Variants in STK31 observed in about 807,000 individuals in gnomAD.
STK31 encodes the protein serine/threonine-protein kinase 31.
Under a neutral mutation model 129.7 loss-of-function variants are expected in STK31, and 89 were observed. The observed-to-expected ratio is 0.69, with a 90% CI of 0.58 to 0.82. STK31 has a LOEUF of 0.82. Ranked by LOEUF, STK31 falls within the 40% of genes least tolerant of loss-of-function variation. The pLI is 0.00. For missense variants in STK31, 1,187 were observed against 1,176.4 expected, an observed-to-expected ratio of 1.01 and a Z score of -0.13; for synonymous variants, 448 against 395.3, an observed-to-expected ratio of 1.13 and a Z score of -1.58.
At chr7:23,754,558 C>T (rs1788935785) in intron 10 of STK31, 84 bp downstream of exon 10, 2 of 1,433,142 alleles carry the variant, frequency 1.4e-6, no homozygotes, top group South Asian at 2.8e-5. Context: ...AAAAAAATAA[C>T]AGGATACATG....
intron 22 of STK31, among the ~76,000 whole-genome samples, chr7:23,802,577 A>G (rs1485412790): frequency 6.6e-6 from 1 of 152,170 alleles, no homozygotes; most frequent in East Asian, 1.9e-4. Flanking sequence ...GTACTGGCAC[A>G]ATCTTGGCTC....
chr7:23,724,323 T>C (rs542371512), intron 4 of STK31, among the ~76,000 whole-genome samples: 2 of 152,256 alleles, frequency 1.3e-5, no homozygotes, highest in South Asian at 2.1e-4. Context: ...CGGAAGGAGG[T>C]TGGGTAAGGA....
chr7:23,782,842 A>C (rs1791021371), intron 16 of STK31, among the ~76,000 whole-genome samples: 1 of 152,232 alleles, frequency 6.6e-6, no homozygotes, highest in Non-Finnish European at 1.5e-5. Flanking sequence ...TATGCCTCAA[A>C]TTGAAATATT....
chr7:23,800,089 T>C lies in STK31; in HGVS notation c.2760+9143T>C, dbSNP rs371840593. 5.3e-5 allele frequency among the ~76,000 whole-genome samples: 8 copies of C among 152,158 alleles called. No homozygotes were observed. The East Asian group carries it at 1.3e-3, about 26-fold the overall frequency. ...CTTTGAAAAGTCAGGAAACAACAGA[T>C]GCTGGAGAGGATGTGGAGAAATAGG... On this transcript the variant is annotated intron_variant, in intron 22 of 23. Coordinates refer to ENST00000355870, the MANE Select transcript of STK31 (RefSeq NM_031414.5).
chr7:23,781,560 C>T (rs759381891), intron 16 of STK31, 40 bp downstream of exon 16: 21 of 1,451,214 alleles, frequency 1.4e-5, no homozygotes, highest in Admixed American at 1.9e-5. Context: ...TTAGGTTTTA[C>T]TCTAGAAATT....
intron 22 of STK31, among the ~76,000 whole-genome samples, chr7:23,802,540 G>A (rs1189318807): frequency 1.3e-5 from 2 of 152,106 alleles, no homozygotes; most frequent in African/African-American, 4.8e-5. Context: ...TTAAGACGCA[G>A]TCTCACTCTG....
rs759239365 is a variant in STK31 at position 23,786,521 on chromosome 7, A to C, written c.2288A>C (p.Asp763Ala). The change falls in exon 19 of 24, where the codon GAT (aspartate) becomes GCT (alanine). Residue 763 changes from aspartate to alanine, a missense_variant. Coordinates refer to ENST00000355870, the MANE Select transcript of STK31 (RefSeq NM_031414.5). The part of the protein sequence containing the change: ...QIILLKGYSV[D>A]VDTEAKVIER... Reference sequence around the variant, plus strand: ...CTTTGGTACAAGGGCTATTCTGTGGATGTTGACACAGAAGCCAAGGTGATT... The same window carrying C: ...CTTTGGTACAAGGGCTATTCTGTGGCTGTTGACACAGAAGCCAAGGTGATT... The C allele has an allele frequency of 6.2e-7, 1 of 1,613,214 alleles. No homozygotes were observed.
intron 23 of STK31, among the ~76,000 whole-genome samples, chr7:23,822,604 TTTTTTATTATTA>T (rs1405266449): frequency 2.0e-5 from 3 of 152,134 alleles, no homozygotes; most frequent in African/African-American, 7.2e-5. Context: ...TTCTTTTTCT[TTTTTTATTATTA>T]TTATACTTTA....
intron 8 of STK31, among the ~76,000 whole-genome samples, chr7:23,744,809 C>G (rs1297842666): frequency 2.0e-5 from 3 of 152,216 alleles, no homozygotes. Flanking sequence ...CCATGTTTGC[C>G]AGTCCTCAGA....
At chr7:23,826,080 T>G (rs1584508842) in intron 23 of STK31, among the ~76,000 whole-genome samples, 1 of 152,170 alleles carries the variant, frequency 6.6e-6, no homozygotes, top group African/African-American at 2.4e-5. Flanking sequence ...TTCTGTTGAT[T>G]TGGGGTGGAG....
At chr7:23,797,618 A>T (rs1439033091) in intron 22 of STK31, among the ~76,000 whole-genome samples, 1 of 152,246 alleles carries the variant, frequency 6.6e-6, no homozygotes, top group East Asian at 1.9e-4. Flanking sequence ...AGCAGTGTTT[A>T]GAGGGAAATT....
intron 10 of STK31, among the ~76,000 whole-genome samples, chr7:23,759,746 A>G (rs1789339320): frequency 6.6e-6 from 1 of 152,232 alleles, no homozygotes; most frequent in Non-Finnish European, 1.5e-5. Context: ...TATGGTAAGT[A>G]TAACTTATGA....
At chr7:23,718,563 C>G (rs897941686) in intron 4 of STK31, among the ~76,000 whole-genome samples, 2 of 152,060 alleles carry the variant, frequency 1.3e-5, no homozygotes, top group African/African-American at 4.8e-5. Flanking sequence ...ACCATAGATT[C>G]GTATGTCTGT....
Position 23,771,118 on chromosome 7 carries a change from T to C in STK31, c.1827T>C (p.Ser609=), listed in dbSNP as rs1325454700. The change falls in exon 14 of 24, where the codon AGT becomes AGC. Residue 609 remains serine, a synonymous_variant. Transcript: ENST00000355870. ...CAGTACAAGCTAAGTACAAGGACAGTATTGAGGTTTGATTGTGCTTTCTCT... is the reference window on the plus strand; with the variant it reads ...CAGTACAAGCTAAGTACAAGGACAGCATTGAGGTTTGATTGTGCTTTCTCT... ...IATVQAKYKD[S]IEFKKQLIEY... 1 of 1,580,220 alleles carries C rather than the reference T, an allele frequency of 6.3e-7. No individual in the cohort carries two copies. Among genetic ancestry groups the C allele is most frequent in the African/African-American group, 1.4e-5 (1 of 72,818 alleles).
rs188625251 is a variant in STK31, at chr7:23,712,972, A to G, written c.150+686A>G. On this transcript the variant is annotated intron_variant, in intron 3 of 23. Transcript: ENST00000355870. ...ACTCCTTTTGGTGGGGGGTGAGGTGAACTCGTAATGTGGGAAATAAGGAGA... is the reference window on the plus strand; with the variant it reads ...ACTCCTTTTGGTGGGGGGTGAGGTGGACTCGTAATGTGGGAAATAAGGAGA... Among the ~76,000 whole-genome samples the G allele has an allele frequency of 6.3e-4, 96 of 152,270 alleles. 2 individuals carry two copies. In the East Asian group the frequency reaches 0.017, roughly 28 times the overall value.
chr7:23,730,874 A>ATTTT (rs1460221456), intron 6 of STK31, among the ~76,000 whole-genome samples: 3 of 59,734 alleles, frequency 5.0e-5, no homozygotes, highest in Non-Finnish European at 3.3e-5. Flanking sequence ...ATATATATAT[A>ATTTT]TATATTTTTT....
At chr7:23,778,850 A>T (rs565483609) in intron 15 of STK31, among the ~76,000 whole-genome samples, 1 of 152,088 alleles carries the variant, frequency 6.6e-6, no homozygotes, top group Non-Finnish European at 1.5e-5. Flanking sequence ...CATCAAACTC[A>T]TTCTCCATCC....
chr7:23,717,052 G>A (rs1022254256), intron 3 of STK31, among the ~76,000 whole-genome samples: 1 of 139,170 alleles, frequency 7.2e-6, no homozygotes. Context: ...TCCCACCTCG[G>A]CCCTCCAAAG....
chr7:23,796,737 T>A (rs1197354772), intron 22 of STK31, among the ~76,000 whole-genome samples: 2 of 152,090 alleles, frequency 1.3e-5, no homozygotes, highest in African/African-American at 2.4e-5. Flanking sequence ...GTTTTGTGCT[T>A]TTAAGAATGT....
Sources: gnomAD v4.1 joint callset for allele counts (sites outside exome capture counted in the v4.1 genomes callset) on GRCh38, gnomAD v4.1.1 for gene constraint, MANE v1.5 for transcripts, NCBI Gene and HGNC (gene_info 2026-07-23, HGNC 2026-07-21) for gene names.